HYCC2: variants seen among roughly 807,000 people sequenced by gnomAD.
HYCC2 encodes the protein hyccin 2.
At chr2:201,043,074 T>C in the HYCC2 span, among the ~76,000 whole-genome samples, 1 of 152,288 alleles carries the variant, frequency 6.6e-6, no homozygotes, top group East Asian at 1.9e-4. Flanking sequence ...CTCCATTTCG[T>C]TCTGTACTAG....
chr2:201,031,154 CA>C, the HYCC2 span, among the ~76,000 whole-genome samples: 1 of 152,140 alleles, frequency 6.6e-6, no homozygotes, highest in Non-Finnish European at 1.5e-5. Flanking sequence ...TTTTAAGAAG[CA>C]TATGGCTGTT....
the HYCC2 span, among the ~76,000 whole-genome samples, chr2:200,983,304 A>G: frequency 2.0e-5 from 3 of 152,238 alleles, no homozygotes; most frequent in African/African-American, 4.8e-5. Flanking sequence ...TAAGGTAAAA[A>G]TGTTAGGAAA....
At chr2:201,029,711 T>C in the HYCC2 span, among the ~76,000 whole-genome samples, 1 of 152,012 alleles carries the variant, frequency 6.6e-6, no homozygotes, top group Non-Finnish European at 1.5e-5. Context: ...TTCTCACTCA[T>C]AGGTGGGAAT....
the HYCC2 span, among the ~76,000 whole-genome samples, chr2:201,003,650 A>AAG: frequency 6.6e-6 from 1 of 151,170 alleles, no homozygotes; most frequent in African/African-American, 2.4e-5. Context: ...CGGAGGTTGC[A>AAG]GTGAGCAGAG....
the HYCC2 span, among the ~76,000 whole-genome samples, chr2:200,999,287 T>A: frequency 3.9e-4 from 60 of 152,222 alleles, no homozygotes; most frequent in South Asian, 1.0e-3. Flanking sequence ...TTAAAAAAAA[T>A]TTTTTAAATG....
At chr2:201,038,231 AG>A in the HYCC2 span, among the ~76,000 whole-genome samples, 1 of 152,200 alleles carries the variant, frequency 6.6e-6, no homozygotes, top group African/African-American at 2.4e-5. Flanking sequence ...ATCATTACAA[AG>A]TCAGGAAACA....
At chr2:201,056,343 T>C in the HYCC2 span, among the ~76,000 whole-genome samples, 1 of 152,142 alleles carries the variant, frequency 6.6e-6, no homozygotes, top group African/African-American at 2.4e-5. Context: ...AAATGGGGCC[T>C]AGGACATGAG....
At chr2:201,006,401 A>G in the HYCC2 span, among the ~76,000 whole-genome samples, 13 of 151,106 alleles carry the variant, frequency 8.6e-5, no homozygotes, top group Non-Finnish European at 1.6e-4. Context: ...TCGGCCTCCC[A>G]AAGTGCTGGG....
At chr2:201,042,696 G>A in the HYCC2 span, among the ~76,000 whole-genome samples, 5 of 151,424 alleles carry the variant, frequency 3.3e-5, no homozygotes, top group Non-Finnish European at 7.4e-5. Context: ...CAGTCCGGGA[G>A]CTGGGGGGCA....
At chr2:201,002,501 A>G in the HYCC2 span, among the ~76,000 whole-genome samples, 4 of 151,974 alleles carry the variant, frequency 2.6e-5, no homozygotes, top group Non-Finnish European at 5.9e-5. Context: ...ATTTGACAAT[A>G]TCTACTCCAA....
At chr2:201,070,917 G>C in the HYCC2 span, among the ~76,000 whole-genome samples, 48 of 152,012 alleles carry the variant, frequency 3.2e-4, no homozygotes, top group African/African-American at 1.2e-3. Context: ...TCGCAAACTA[G>C]TATCTGTCAA....
At chr2:201,035,419 C>T in the HYCC2 span, among the ~76,000 whole-genome samples, 1 of 152,192 alleles carries the variant, frequency 6.6e-6, no homozygotes, top group Admixed American at 6.5e-5. Context: ...GTGCATTCGT[C>T]ACGTCGTTCT....
the HYCC2 span, among the ~76,000 whole-genome samples, chr2:201,060,306 T>C: frequency 6.6e-6 from 1 of 152,178 alleles, no homozygotes; most frequent in Non-Finnish European, 1.5e-5. Flanking sequence ...CTCACTAATC[T>C]AGTTTGTATG....
the HYCC2 span, among the ~76,000 whole-genome samples, chr2:201,000,057 CAAAAAAAAAA>C: frequency 1.2e-4 from 4 of 34,736 alleles, no homozygotes; most frequent in Admixed American, 6.5e-4. Context: ...GACTCCGTCT[CAAAAAAAAAA>C]AAAAAAAAAA....
At chr2:201,011,797 G>A in the HYCC2 span, among the ~76,000 whole-genome samples, 1 of 152,298 alleles carries the variant, frequency 6.6e-6, no homozygotes, top group Middle Eastern at 3.4e-3. Context: ...AGGATGGGAA[G>A]ATTACAAGTG....
the HYCC2 span, chr2:200,979,879 T>C: frequency 6.6e-6 from 1 of 152,668 alleles, no homozygotes; most frequent in Non-Finnish European, 1.5e-5. Flanking sequence ...ATAATGTTTT[T>C]GTAACCTCTT....
chr2:201,056,868 T>C, the HYCC2 span, among the ~76,000 whole-genome samples: 1 of 152,166 alleles, frequency 6.6e-6, no homozygotes, highest in Non-Finnish European at 1.5e-5. Context: ...CTTGGCACTA[T>C]TGGCATTTTG....
At chr2:201,043,432 T>TAAAAAAAAAAAA in the HYCC2 span, among the ~76,000 whole-genome samples, 1 of 74,886 alleles carries the variant, frequency 1.3e-5, no homozygotes, top group Non-Finnish European at 2.9e-5. Context: ...CAATAAATAC[T>TAAAAAAAAAAAA]AAAAAAAAAA....
the HYCC2 span, among the ~76,000 whole-genome samples, chr2:201,068,255 C>T: frequency 1.3e-5 from 2 of 151,742 alleles, no homozygotes; most frequent in Non-Finnish European, 2.9e-5. Context: ...CCACTGCACT[C>T]CAGCCAGGGC....
Sources: allele counts gnomAD v4.1 joint callset (sites outside exome capture counted in the v4.1 genomes callset), GRCh38; gene constraint gnomAD v4.1.1; transcripts MANE v1.5; gene names NCBI Gene and HGNC (gene_info 2026-07-23, HGNC 2026-07-21).